SLC7A6: variants seen among roughly 807,000 people sequenced by gnomAD.
SLC7A6 encodes the protein Y+L amino acid transporter 2.
SLC7A6 carries 29 observed loss-of-function variants against 46.6 expected under a neutral mutation model. That is an observed-to-expected ratio of 0.62 (90% CI 0.46 to 0.85). The LOEUF (loss-of-function observed/expected upper bound fraction) is 0.85, where lower values mean the gene tolerates loss of function less well. SLC7A6 is among the 40% of genes least tolerant of loss of function. SLC7A6 has a pLI of 0.00. For synonymous variants in SLC7A6, 276 were observed against 257.3 expected, an observed-to-expected ratio of 1.07 and a Z score of -0.70; for missense variants, 527 against 647.6, an observed-to-expected ratio of 0.81 and a Z score of 2.02.
chr16:68,291,438 C>A, intron 6 of SLC7A6, 106 bp downstream of exon 6: 1 of 1,574,398 alleles, frequency 6.4e-7, no homozygotes, highest in South Asian at 1.1e-5. Flanking sequence ...AGGATGAGGT[C>A]ATGAGTCTAG....
rs1358084215 is a variant in SLC7A6 at position 68,274,718 on chromosome 16, C to T, written c.-9C>T. 1.2e-6 allele frequency: 2 copies of T among 1,613,758 alleles called. No individual in the cohort carries two copies. The highest frequency in any genetic ancestry group is 2.2e-5 in the South Asian group (2 of 91,050). ...CACAGCAAACACAGGTGTGCAGGAACCGTTTGTCATGGAAGCCAGGGAGCC... is the reference window on the plus strand; with the variant it reads ...CACAGCAAACACAGGTGTGCAGGAATCGTTTGTCATGGAAGCCAGGGAGCC... On this transcript the variant is annotated 5_prime_UTR_variant, in exon 3 of 11. Transcript: ENST00000219343.
chr16:68,296,626 G>C lies in SLC7A6; in HGVS notation c.1270-1G>C. 1 of 1,614,148 alleles carries C rather than the reference G, an allele frequency of 6.2e-7. No individual in the cohort carries two copies. Reference sequence around the variant, plus strand: ...TTAATCTCTCACCCCCTCTATTTCAGCTGAGCGTGTTTTTCCCCATCGTGT... The same window carrying C: ...TTAATCTCTCACCCCCTCTATTTCACCTGAGCGTGTTTTTCCCCATCGTGT... On this transcript the variant is annotated splice_acceptor_variant, in intron 9 of 10. Coordinates refer to ENST00000219343, the MANE Select transcript of SLC7A6 (RefSeq NM_003983.6). LOFTEE classifies it high-confidence loss of function.
chr16:68,298,622 T>C lies in SLC7A6; in HGVS notation c.*1294T>C, dbSNP rs1053561531. The C allele has an allele frequency of 1.3e-5, 2 of 152,246 alleles. No individual in the cohort carries two copies. The highest frequency in any genetic ancestry group is 4.8e-5 in the African/African-American group (2 of 41,458). The allele number at this position is 152,246 out of a possible 1,614,324, so 9.4% of individuals were successfully genotyped here. A position where few individuals can be genotyped will look rare whatever the true frequency, so the allele number is the denominator to read the frequency against. ...AGCTTGGTACTTGTGGGGACTTCTG[T>C]TTTCTCCCTGTGGAGATCAGTGAAG... On this transcript the variant is annotated 3_prime_UTR_variant, in exon 11 of 11. Transcript: ENST00000219343.
intron 3 of SLC7A6, among the ~76,000 whole-genome samples, chr16:68,275,621 A>C (rs911366945): frequency 2.0e-5 from 3 of 147,204 alleles, no homozygotes; most frequent in South Asian, 2.1e-4. Context: ...AAAAAAAGAT[A>C]CTTTATATTT....
chr16:68,270,339 G>T (rs2042605339), intron 2 of SLC7A6, among the ~76,000 whole-genome samples: 1 of 149,866 alleles, frequency 6.7e-6, no homozygotes, highest in African/African-American at 2.5e-5. Flanking sequence ...AGGCATAGAG[G>T]TTTTTTTTTT....
At chr16:68,291,448 G>A (rs1021994976) in intron 6 of SLC7A6, 110 bp from the exon 7 acceptor site, 2 of 1,578,778 alleles carry the variant, frequency 1.3e-6, no homozygotes, top group African/African-American at 2.7e-5. Flanking sequence ...CATGAGTCTA[G>A]GCCAGAGGGT....
intron 3 of SLC7A6, among the ~76,000 whole-genome samples, chr16:68,277,460 C>A (rs1167631243): frequency 6.6e-6 from 1 of 151,594 alleles, no homozygotes; most frequent in Non-Finnish European, 1.5e-5. Context: ...AGTAGGCGCC[C>A]GCCACCGTGC....
In SLC7A6 at chr16:68,298,966, AATAAC is replaced by A. The variant is rs2043221785; in HGVS notation, c.*1639_*1643del. 1 of 152,666 alleles carries A rather than the reference AATAAC, an allele frequency of 6.6e-6. No individual in the cohort carries two copies. Among genetic ancestry groups the A allele is most frequent in the Admixed American group, 6.5e-5 (1 of 15,276 alleles). 9.5% of individuals were successfully genotyped at this position (152,666 alleles called of 1,614,324 possible). ...TTCTCCACCCAGTCACAGATAAGGG[AATAAC>A]CTTGGCCATATATTTGCTCAATAAA... On this transcript the variant is annotated 3_prime_UTR_variant, in exon 11 of 11. Coordinates refer to ENST00000219343, the MANE Select transcript of SLC7A6 (RefSeq NM_003983.6).
At chr16:68,271,483 G>A (rs886550119) in intron 2 of SLC7A6, among the ~76,000 whole-genome samples, 1 of 150,988 alleles carries the variant, frequency 6.6e-6, no homozygotes, top group Admixed American at 6.6e-5. Flanking sequence ...GCTAACTTTT[G>A]TAGTTTTTTG....
rs920405991 is a variant in SLC7A6, at chr16:68,298,674, A to C, written c.*1346A>C. 2 of 152,284 alleles carry C rather than the reference A, an allele frequency of 1.3e-5. No homozygotes were observed. The highest frequency in any genetic ancestry group is 4.8e-5 in the African/African-American group (2 of 41,444). The allele number at this position is 152,284 out of a possible 1,614,324, so 9.4% of individuals were successfully genotyped here. The stretch of plus-strand genomic sequence containing the variant: ...CTGGGAGGAAAGCTGCTTCAACCTG[A>C]GTCCGGCTCTTCAGCAGGCTGCACA... On this transcript the variant is annotated 3_prime_UTR_variant, in exon 11 of 11. Transcript: ENST00000219343.
rs375603343 is a variant in SLC7A6 at position 68,267,075 on chromosome 16, CAG to C, written c.-37+355_-37+356del. 8.2e-3 allele frequency among the ~76,000 whole-genome samples: 1,240 copies of C among 152,116 alleles called. 10 individuals are homozygous for C. The highest frequency in any genetic ancestry group is 0.012 in the Non-Finnish European group (846 of 67,986). Reference sequence around the variant, plus strand: ...TCAGCCTCCCAAGTAGCTGGGATTACAGGCGCCCGCCACCATGCCCAGCTAAT... The same window carrying C: ...TCAGCCTCCCAAGTAGCTGGGATTACGCGCCCGCCACCATGCCCAGCTAAT... On this transcript the variant is annotated intron_variant, in intron 2 of 10. Coordinates refer to ENST00000219343, the MANE Select transcript of SLC7A6 (RefSeq NM_003983.6).
intron 8 of SLC7A6, among the ~76,000 whole-genome samples, chr16:68,295,751 G>A (rs886644921): frequency 2.6e-5 from 4 of 152,186 alleles, no homozygotes; most frequent in Non-Finnish European, 5.9e-5. Context: ...GGATTCTTTT[G>A]TTCCAGAAGC....
intron 2 of SLC7A6, among the ~76,000 whole-genome samples, chr16:68,272,547 G>A (rs1256105539): frequency 1.3e-5 from 2 of 152,206 alleles, no homozygotes; most frequent in African/African-American, 4.8e-5. Context: ...CAGGAACTTT[G>A]TCTTTCATTC....
At chr16:68,296,853 G>T (rs2043179839) in intron 10 of SLC7A6, 43 bp downstream of exon 10, 1 of 1,600,304 alleles carries the variant, frequency 6.2e-7, no homozygotes, top group Non-Finnish European at 8.5e-7. Flanking sequence ...GGCTATGTGT[G>T]CATGCGCATG....
intron 4 of SLC7A6, among the ~76,000 whole-genome samples, chr16:68,288,466 T>C (rs993214292): frequency 6.6e-6 from 1 of 152,144 alleles, no homozygotes; most frequent in Non-Finnish European, 1.5e-5. Flanking sequence ...GCAGTGAGGG[T>C]AACAGGCCTA....
intron 7 of SLC7A6, 100 bp from the exon 8 acceptor site, chr16:68,294,605 T>G: frequency 1.2e-6 from 1 of 843,946 alleles, no homozygotes; most frequent in East Asian, 2.5e-5. Flanking sequence ...TGCATCCTGC[T>G]TTCCTCGGGG....
At chr16:68,266,087 C>T (rs536867282) in intron 1 of SLC7A6, among the ~76,000 whole-genome samples, 6 of 152,000 alleles carry the variant, frequency 3.9e-5, no homozygotes, top group Admixed American at 2.6e-4. Flanking sequence ...GGTGAAATCC[C>T]GTCTCTACTA....
intron 2 of SLC7A6, among the ~76,000 whole-genome samples, chr16:68,269,864 AC>A (rs1567581046): frequency 6.6e-6 from 1 of 152,018 alleles, no homozygotes; most frequent in African/African-American, 2.4e-5. Context: ...CAACTCCTGA[AC>A]TCAAACTTAC....
At position 68,300,667 on chromosome 16, in the gene SLC7A6, T is replaced by C. The variant is rs1165551367; in HGVS notation, c.*3339T>C. On this transcript the variant is annotated 3_prime_UTR_variant, in exon 11 of 11. Coordinates refer to ENST00000219343, the MANE Select transcript of SLC7A6 (RefSeq NM_003983.6). ...AACACATGTATCACATTCATATATATTGTTTCTTGGCCCCACTGCCAAAGG... is the reference window on the plus strand; with the variant it reads ...AACACATGTATCACATTCATATATACTGTTTCTTGGCCCCACTGCCAAAGG... 1 of 985,394 alleles carries C rather than the reference T, an allele frequency of 1.0e-6. No individual in the cohort carries two copies. The highest frequency in any genetic ancestry group is 1.1e-4 in the East Asian group (1 of 8,834). The allele number at this position is 985,394 out of a possible 1,614,324, so 61.0% of individuals were successfully genotyped here.
Sources: allele counts gnomAD v4.1 joint callset (sites outside exome capture counted in the v4.1 genomes callset), GRCh38; gene constraint gnomAD v4.1.1; transcripts MANE v1.5; gene names NCBI Gene and HGNC (gene_info 2026-07-23, HGNC 2026-07-21).